The following FSTL4 variants were observed in gnomAD, a reference collection of about 807,000 sequenced individuals.
FSTL4 encodes follistatin-related protein 4.
In FSTL4, 28 loss-of-function variants were observed where a neutral mutation model predicts 78.2. That is an observed-to-expected ratio of 0.36 (90% confidence interval 0.27 to 0.49). The LOEUF (loss-of-function observed/expected upper bound fraction) is 0.49. Ranked by LOEUF, FSTL4 falls within the 20% of genes least tolerant of loss-of-function variation. The pLI, the probability that FSTL4 is intolerant of heterozygous loss-of-function variation, is 0.98. For synonymous variants in FSTL4, 422 were observed against 440.5 expected (o/e 0.96, Z 0.53); for missense variants, 922 against 1,084.9 (o/e 0.85, Z 2.11).
the FSTL4 span, among the ~76,000 whole-genome samples, chr5:133,767,059 G>A: frequency 6.6e-6 from 1 of 152,208 alleles, no homozygotes; most frequent in Admixed American, 6.5e-5. Flanking sequence ...CTTAATTTGG[G>A]TTCCTCTAGA....
At chr5:133,759,804 G>T in the FSTL4 span, among the ~76,000 whole-genome samples, 6 of 152,202 alleles carry the variant, frequency 3.9e-5, no homozygotes, top group Non-Finnish European at 5.9e-5. Context: ...TTAGTTCACC[G>T]TTTCAACACT....
In FSTL4 at chr5:133,441,016, T is replaced by C. The variant is rs140991222; in HGVS notation, c.161-40030A>G. Among the ~76,000 whole-genome samples the C allele has an allele frequency of 7.3e-3, 1,119 of 152,306 alleles. 20 individuals are homozygous for C. The highest frequency in any genetic ancestry group is 0.024 in the African/African-American group (1,012 of 41,556). ...AGGGCCTGGCTTGGGGCAGTCTTGA[T>C]GTGGTTCCTCTGAAATCAGACTCTG... On this transcript the variant is annotated intron_variant, in intron 3 of 15. Transcript: ENST00000265342.
intron 6 of FSTL4, among the ~76,000 whole-genome samples, chr5:133,277,602 C>T (rs1434329433): frequency 6.6e-6 from 1 of 152,214 alleles, no homozygotes; most frequent in African/African-American, 2.4e-5. Flanking sequence ...TTGCTATTCC[C>T]CATCAGCTTC....
At chr5:133,337,512 A>G (rs1047820740) in intron 4 of FSTL4, among the ~76,000 whole-genome samples, 1 of 152,198 alleles carries the variant, frequency 6.6e-6, no homozygotes, top group African/African-American at 2.4e-5. Context: ...ACCTGAGCAA[A>G]GCGCCGTGAT....
rs541441499 is a variant in FSTL4, at chr5:133,445,322, C to T, written c.161-44336G>A. ...GGAGTGCTCCCTCAGATCACTGCTG[C>T]GGGGCAGCACAGGCCGGGGAGTGCT... On this transcript the variant is annotated intron_variant, in intron 3 of 15. Transcript: ENST00000265342. Among the ~76,000 whole-genome samples, 8 of 151,958 alleles carry T rather than the reference C, an allele frequency of 5.3e-5. No individual in the cohort carries two copies. The East Asian group carries it at 9.8e-4, about 19-fold the overall frequency.
intron 6 of FSTL4, among the ~76,000 whole-genome samples, chr5:133,275,182 T>G (rs1484076917): frequency 6.6e-6 from 1 of 152,060 alleles, no homozygotes; most frequent in East Asian, 1.9e-4. Flanking sequence ...GAGAATCACT[T>G]GAACCCATGA....
chr5:133,647,133 C>T, the FSTL4 span, among the ~76,000 whole-genome samples: 1 of 152,138 alleles, frequency 6.6e-6, no homozygotes, highest in Non-Finnish European at 1.5e-5. Flanking sequence ...GGGATCTAAT[C>T]TAATAAGCAC....
chr5:133,300,379 C>T (rs942500586), intron 6 of FSTL4, among the ~76,000 whole-genome samples: 1 of 152,166 alleles, frequency 6.6e-6, no homozygotes, highest in African/African-American at 2.4e-5. Flanking sequence ...ACCTGTAGTA[C>T]TTTTAGGCCC....
intron 6 of FSTL4, among the ~76,000 whole-genome samples, chr5:133,258,262 C>T (rs1229427252): frequency 6.6e-6 from 1 of 152,172 alleles, no homozygotes; most frequent in Non-Finnish European, 1.5e-5. Flanking sequence ...CTTGACTGGG[C>T]CACAAGGCAC....
At chr5:133,318,003 T>A (rs1753950547) in intron 4 of FSTL4, among the ~76,000 whole-genome samples, 1 of 152,228 alleles carries the variant, frequency 6.6e-6, no homozygotes, top group African/African-American at 2.4e-5. Flanking sequence ...TTGATAAGCC[T>A]GGACAGCCCA....
intron 3 of FSTL4, among the ~76,000 whole-genome samples, chr5:133,462,855 C>T (rs191861001): frequency 4.5e-4 from 69 of 152,140 alleles, no homozygotes; most frequent in African/African-American, 1.7e-3. Flanking sequence ...CTATTTGAGC[C>T]AGTTTGGGGC....
intron 6 of FSTL4, among the ~76,000 whole-genome samples, chr5:133,307,663 GA>G (rs1382360566): frequency 6.6e-6 from 1 of 152,170 alleles, no homozygotes; most frequent in East Asian, 1.9e-4. Context: ...CTGGCCTCAG[GA>G]GACTCACGTG....
At chr5:133,230,748 C>T (rs1751469439) in intron 8 of FSTL4, among the ~76,000 whole-genome samples, 1 of 152,156 alleles carries the variant, frequency 6.6e-6, no homozygotes, top group South Asian at 2.1e-4. Context: ...GCGCCTTATC[C>T]CAGATCATGC....
the FSTL4 span, among the ~76,000 whole-genome samples, chr5:133,653,122 C>T: frequency 6.6e-6 from 1 of 152,094 alleles, no homozygotes; most frequent in African/African-American, 2.4e-5. Flanking sequence ...ACCACAGAGC[C>T]CAGGCATGCT....
chr5:133,826,949 G>T, the FSTL4 span, among the ~76,000 whole-genome samples: 4 of 152,330 alleles, frequency 2.6e-5, no homozygotes, highest in African/African-American at 9.6e-5. Context: ...GCAGGGCAGG[G>T]ATCTGAGAAC....
intron 3 of FSTL4, among the ~76,000 whole-genome samples, chr5:133,485,883 C>G (rs185563777): frequency 6.6e-6 from 1 of 152,366 alleles, no homozygotes; most frequent in African/African-American, 2.4e-5. Flanking sequence ...CATTACTTGT[C>G]ACAGTGGGCT....
chr5:133,683,137 C>T, the FSTL4 span, among the ~76,000 whole-genome samples: 5 of 152,156 alleles, frequency 3.3e-5, no homozygotes, highest in Non-Finnish European at 7.3e-5. Context: ...TGTTGAAGCA[C>T]AAGGTGCAGA....
intron 3 of FSTL4, among the ~76,000 whole-genome samples, chr5:133,435,982 A>C (rs890746934): frequency 2.0e-5 from 3 of 151,922 alleles, no homozygotes; most frequent in African/African-American, 7.3e-5. Context: ...GTGTCTTTTC[A>C]TTCTCTCATG....
At chr5:133,478,383 T>C (rs962276995) in intron 3 of FSTL4, among the ~76,000 whole-genome samples, 1 of 152,258 alleles carries the variant, frequency 6.6e-6, no homozygotes, top group Non-Finnish European at 1.5e-5. Flanking sequence ...GTCTCTGGAC[T>C]GCTTCCATAA....
Sources: gnomAD v4.1 joint callset for allele counts (sites outside exome capture counted in the v4.1 genomes callset) on GRCh38, gnomAD v4.1.1 for gene constraint, MANE v1.5 for transcripts, NCBI Gene and HGNC (gene_info 2026-07-23, HGNC 2026-07-21) for gene names.